The following TRIM55 variants were observed in gnomAD, a reference collection of about 807,000 sequenced individuals.
TRIM55 encodes the protein tripartite motif containing 55.
In TRIM55, 50 loss-of-function variants were observed where a neutral mutation model predicts 60.9. The ratio of observed to expected loss-of-function variants is 0.82; its 90% CI spans 0.65 to 1.04. The LOEUF is 1.04. Among genes scored for constraint, TRIM55 ranks in the 50% least tolerant of loss-of-function variants. The pLI, the probability that TRIM55 is intolerant of heterozygous loss-of-function variation, is 0.00. For synonymous variants in TRIM55, 237 were observed against 238.1 expected (o/e 1.00, Z 0.04); for missense variants, 681 against 666.9 (o/e 1.02, Z -0.23).
chr8:66,174,142 A>G (rs2128988042), intron 9 of TRIM55, among the ~76,000 whole-genome samples: 1 of 151,628 alleles, frequency 6.6e-6, no homozygotes, highest in East Asian at 1.9e-4. Context: ...TGAGACTTTC[A>G]TCTGAATAAA....
rs765940494 is a variant in TRIM55, at chr8:66,127,362, A to T, written c.94A>T (p.Met32Leu). 1.2e-6 allele frequency: 2 copies of T among 1,614,112 alleles called. No individual in the cohort carries two copies. Among genetic ancestry groups the T allele is most frequent in the South Asian group, 2.2e-5 (2 of 91,082 alleles). Reference sequence around the variant, plus strand: ...ACTCATCTGTCCCATCTGCTTAGAGATGTTCACGAAACCTGTGGTGATTCT... The same window carrying T: ...ACTCATCTGTCCCATCTGCTTAGAGTTGTTCACGAAACCTGTGGTGATTCT... ...KQLICPICLEMFTKPVVILPC... is the reference protein window; with the variant it reads ...KQLICPICLELFTKPVVILPC... Residue 32 changes from methionine to leucine, a missense_variant, in exon 1 of 10, where the codon ATG (methionine) becomes TTG (leucine). Met to Leu is a conservative substitution (Grantham distance 15). Transcript: ENST00000315962.
chr8:66,148,997 C>T lies in TRIM55; in HGVS notation c.604-648C>T, dbSNP rs1408441405. 2.6e-5 allele frequency among the ~76,000 whole-genome samples: 4 copies of T among 151,366 alleles called. 1 individual carries two copies. The highest frequency in any genetic ancestry group is 9.7e-5 in the African/African-American group (4 of 41,070). On this transcript the variant is annotated intron_variant, in intron 4 of 9. Coordinates refer to ENST00000315962, the MANE Select transcript of TRIM55 (RefSeq NM_184085.2). ...CTGGGAGGCGGAGGTTGCAATGAGC[C>T]GAGATCACACCACTGTACTCTAGCG...
At chr8:66,138,039 T>G (rs7839635) in intron 4 of TRIM55, among the ~76,000 whole-genome samples, 10,215 of 152,298 alleles carry the variant, frequency 0.067, 528 homozygotes, top group African/African-American at 0.14. Flanking sequence ...GCCCTGGCTC[T>G]GTAACTGGAG....
chr8:66,141,842 G>A (rs1055642481), intron 4 of TRIM55, among the ~76,000 whole-genome samples: 10 of 152,172 alleles, frequency 6.6e-5, no homozygotes, highest in African/African-American at 2.4e-4. Flanking sequence ...TTCCAAAACA[G>A]TGATTTTACC....
chr8:66,124,526 C>G (rs1195130443), upstream of TRIM55, among the ~76,000 whole-genome samples: 1 of 152,190 alleles, frequency 6.6e-6, no homozygotes, highest in Non-Finnish European at 1.5e-5. Context: ...ACGTCCATCC[C>G]TCTGAGATCC....
At chr8:66,120,881 G>A in the TRIM55 span, among the ~76,000 whole-genome samples, 1 of 152,228 alleles carries the variant, frequency 6.6e-6, no homozygotes, top group South Asian at 2.1e-4. Context: ...CAAATTTGTA[G>A]CCAGTTGGTC....
intron 7 of TRIM55, 25 bp from the exon 8 acceptor site, chr8:66,152,352 T>C: frequency 6.5e-7 from 1 of 1,548,648 alleles, no homozygotes; most frequent in Non-Finnish European, 8.7e-7. Context: ...GTTATAACAA[T>C]TTACAAGATA....
chr8:66,161,740 A>C (rs7827692), intron 9 of TRIM55, among the ~76,000 whole-genome samples: 1,851 of 139,932 alleles, frequency 0.013, 44 homozygotes, highest in African/African-American at 0.048. Flanking sequence ...GTCCTTGGTT[A>C]GGTATATTCC....
intron 4 of TRIM55, among the ~76,000 whole-genome samples, chr8:66,145,360 C>G (rs566459291): frequency 3.1e-4 from 47 of 152,146 alleles, no homozygotes; most frequent in Non-Finnish European, 6.5e-4. Flanking sequence ...ACAGATTTAT[C>G]TAACTCTTAC....
At chr8:66,162,500 C>T (rs1811109656) in intron 9 of TRIM55, among the ~76,000 whole-genome samples, 1 of 151,572 alleles carries the variant, frequency 6.6e-6, no homozygotes. Context: ...AATGTCCTCC[C>T]CTGGTTTTGG....
rs746278760 is a variant in TRIM55, at chr8:66,150,341, G to A, written c.861-1G>A. 8 of 1,614,164 alleles carry A rather than the reference G, an allele frequency of 5.0e-6. 1 individual carries two copies. In the South Asian group the frequency reaches 8.8e-5, roughly 18 times the overall value. On this transcript the variant is annotated splice_acceptor_variant, in intron 6 of 9. Transcript: ENST00000315962. LOFTEE classifies it high-confidence loss of function. ...AAAGTGGCAACTTGTCTTTGTTGCA[G>A]AATCTCGGAAGCATCAAAGGCATTT...
chr8:66,137,758 G>GA (rs34634925), intron 4 of TRIM55, among the ~76,000 whole-genome samples: 5,183 of 116,220 alleles, frequency 0.045, 352 homozygotes, highest in African/African-American at 0.15. Context: ...AATCAACACT[G>GA]AAAAAAAAAA....
chr8:66,143,313 T>G (rs550406638), intron 4 of TRIM55, among the ~76,000 whole-genome samples: 70 of 152,370 alleles, frequency 4.6e-4, no homozygotes, highest in African/African-American at 1.7e-3. Context: ...CTTTCAGGGC[T>G]AGGACATGTA....
At chr8:66,155,318 T>G (rs1287506223) in intron 9 of TRIM55, among the ~76,000 whole-genome samples, 4 of 152,190 alleles carry the variant, frequency 2.6e-5, no homozygotes, top group Non-Finnish European at 5.9e-5. Context: ...GTAACATGCT[T>G]TGGGGTTGGA....
intron 9 of TRIM55, among the ~76,000 whole-genome samples, chr8:66,164,830 G>C (rs1586251040): frequency 6.6e-6 from 1 of 152,080 alleles, no homozygotes; most frequent in African/African-American, 2.4e-5. Flanking sequence ...TGTTTTGTAA[G>C]ATTATAAAGG....
At chr8:66,116,031 G>A in the TRIM55 span, among the ~76,000 whole-genome samples, 4 of 152,134 alleles carry the variant, frequency 2.6e-5, no homozygotes, top group African/African-American at 9.7e-5. Flanking sequence ...GAAGGCCTGG[G>A]GGAATTAGTC....
At chr8:66,172,940 A>G (rs945581349) in intron 9 of TRIM55, among the ~76,000 whole-genome samples, 1 of 152,202 alleles carries the variant, frequency 6.6e-6, no homozygotes, top group Non-Finnish European at 1.5e-5. Context: ...TGTTTTTTGC[A>G]TAAGCCATAC....
At chr8:66,149,533 GA>G (rs1291517027) in intron 4 of TRIM55, 111 bp from the exon 5 acceptor site, 5 of 869,258 alleles carry the variant, frequency 5.8e-6, no homozygotes, top group Admixed American at 5.4e-5. Context: ...TCAGGGAAAA[GA>G]AAAAAATATC....
In TRIM55 at chr8:66,127,314, A is replaced by G. The variant is rs1296894132; in HGVS notation, c.46A>G (p.Thr16Ala). 6.2e-7 allele frequency: 1 copy of G among 1,614,198 alleles called. No individual in the cohort carries two copies. ...NYKSFSKEQQ[T>A]MDNLEKQLIC... is the part of the protein sequence containing the mutation. ...CAAATCTTTTTCCAAAGAGCAGCAG[A>G]CCATGGATAACTTAGAGAAGCAACT... is the stretch of plus-strand genomic sequence containing the variant. The change falls in exon 1 of 10, where the codon ACC becomes GCC. Residue 16 changes from threonine (T) to alanine (A), a missense_variant. Transcript: ENST00000315962.
Sources: gnomAD v4.1 joint callset for allele counts (sites outside exome capture counted in the v4.1 genomes callset) on GRCh38, gnomAD v4.1.1 for gene constraint, MANE v1.5 for transcripts, NCBI Gene and HGNC (gene_info 2026-07-23, HGNC 2026-07-21) for gene names.